The following PCNX1 variants were observed in gnomAD, a reference collection of about 807,000 sequenced individuals.
The protein encoded by PCNX1 is pecanex-like protein 1.
A neutral mutation model predicts 242.2 loss-of-function variants in PCNX1; 78 were observed. That is an observed-to-expected ratio of 0.32 (90% CI 0.27 to 0.39). The LOEUF is 0.39. Ranked by LOEUF, PCNX1 falls within the 10% of genes least tolerant of loss-of-function variation. The pLI is 1.00. For missense variants in PCNX1, 2,581 were observed against 2,856.5 expected (o/e 0.90, Z 2.20); for synonymous variants, 1,024 against 1,032.9 (o/e 0.99, Z 0.17).
At chr14:70,917,257 C>T (rs1362956120) in intron 1 of PCNX1, among the ~76,000 whole-genome samples, 2 of 152,174 alleles carry the variant, frequency 1.3e-5, no homozygotes, top group African/African-American at 4.8e-5. Context: ...TCCCATGAAT[C>T]ATGTATGTTC....
intron 27 of PCNX1, among the ~76,000 whole-genome samples, chr14:71,074,397 T>A (rs1457006062): frequency 6.6e-6 from 1 of 152,184 alleles, no homozygotes; most frequent in Non-Finnish European, 1.5e-5. Context: ...CCCACGGAAC[T>A]CAGCAAAGTT....
rs978753823 is a variant in PCNX1, at chr14:71,114,496, C to A, written c.*4561C>A. On this transcript the variant is annotated 3_prime_UTR_variant, in exon 36 of 36. Coordinates refer to ENST00000304743, the MANE Select transcript of PCNX1 (RefSeq NM_014982.3). ...TCAAGAATTATGTATAACAATTTAT[C>A]TTTATTGCCTACATACAACATACTT... 2 of 152,504 alleles carry A rather than the reference C, an allele frequency of 1.3e-5. No homozygotes were observed. The highest frequency in any genetic ancestry group is 2.9e-5 in the Non-Finnish European group (2 of 68,028). The allele number at this position is 152,504 out of a possible 1,614,324, so 9.4% of individuals were successfully genotyped here.
At chr14:71,096,818 A>G (rs920571984) in intron 30 of PCNX1, among the ~76,000 whole-genome samples, 1 of 152,198 alleles carries the variant, frequency 6.6e-6, no homozygotes, top group Non-Finnish European at 1.5e-5. Context: ...GAAATGTTGT[A>G]AAGAAGTGTT....
rs374347681 is a variant in PCNX1 at position 71,026,805 on chromosome 14, T to G, written c.3389T>G (p.Ile1130Ser). ...FTLCFPIVFFIGLLPQVNTFV... is the reference protein window; with the variant it reads ...FTLCFPIVFFSGLLPQVNTFV... ...CTCTGTTTCCCAATAGTGTTTTTCA[T>G]TGGTCTCCTGCCTCAGGTGAATACA... The change falls in exon 15 of 36, where the codon ATT becomes AGT. Residue 1130 changes from isoleucine (I) to serine (S), a missense_variant. Physicochemically the swap from Ile to Ser is moderately radical, Grantham distance 142. Around this residue, in one of 9 missense-constraint regions of PCNX1, gnomAD observed 432 missense variants for 443.1 expected, o/e 0.97. Coordinates refer to ENST00000304743, the MANE Select transcript of PCNX1 (RefSeq NM_014982.3). 2 of 1,562,400 alleles carry G rather than the reference T, an allele frequency of 1.3e-6. No homozygotes were observed.
chr14:71,089,057 G>A (rs1456476244), intron 29 of PCNX1, 135 bp from the exon 30 acceptor site: 1 of 624,776 alleles, frequency 1.6e-6, no homozygotes, highest in African/African-American at 1.9e-5. Context: ...TCTGGTTCAG[G>A]GTTCTGACAT....
At chr14:70,951,880 T>A (rs1262077772) in intron 2 of PCNX1, among the ~76,000 whole-genome samples, 1 of 152,224 alleles carries the variant, frequency 6.6e-6, no homozygotes, top group African/African-American at 2.4e-5. Context: ...TATTCACTTA[T>A]CTTTTATGTC....
rs78054326 is a variant in PCNX1 at position 70,925,914 on chromosome 14, T to G, written c.153+17911T>G. ...AGCCACCTTCCATCACCCTCCACCA[T>G]CATACAAGATGCTTCTTTCTGATTA... On this transcript the variant is annotated intron_variant, in intron 1 of 35. Transcript: ENST00000304743. Among the ~76,000 whole-genome samples the G allele has an allele frequency of 9.0e-3, 1,365 of 151,044 alleles. 10 individuals carry two copies. The highest frequency in any genetic ancestry group is 0.012 in the Non-Finnish European group (844 of 67,812).
Position 70,983,846 on chromosome 14 carries a change from TATGTTG to T in PCNX1, c.2312-4717_2312-4712del, listed in dbSNP as rs1255156854. ...TTTTTTCATTGGAACAAAATCTTTGTATGTTGATGGTAGCATCGTTCTTGGCTGACA... is the reference window on the plus strand; with the variant it reads ...TTTTTTCATTGGAACAAAATCTTTGTATGGTAGCATCGTTCTTGGCTGACA... On this transcript the variant is annotated intron_variant, in intron 6 of 35. Coordinates refer to ENST00000304743, the MANE Select transcript of PCNX1 (RefSeq NM_014982.3). Among the ~76,000 whole-genome samples the T allele has an allele frequency of 4.0e-5, 6 of 151,622 alleles. No individual in the cohort carries two copies. The East Asian group carries it at 1.2e-3, about 29-fold the overall frequency.
intron 26 of PCNX1, among the ~76,000 whole-genome samples, chr14:71,059,778 C>T (rs2061278177): frequency 1.3e-5 from 2 of 152,178 alleles, no homozygotes; most frequent in African/African-American, 2.4e-5. Context: ...ACATAGAATT[C>T]AAATGCCTGA....
intron 2 of PCNX1, among the ~76,000 whole-genome samples, chr14:70,961,530 T>G (rs1034340872): frequency 8.5e-5 from 13 of 152,210 alleles, no homozygotes; most frequent in African/African-American, 3.1e-4. Flanking sequence ...TATCTTTAAG[T>G]ACTGTGTTTG....
chr14:70,927,716 A>G lies in PCNX1; in HGVS notation c.154-19199A>G, dbSNP rs544285108. 3.3e-5 allele frequency among the ~76,000 whole-genome samples: 5 copies of G among 152,028 alleles called. No homozygotes were observed. In the East Asian group the frequency reaches 9.7e-4, roughly 29 times the overall value. On this transcript the variant is annotated intron_variant, in intron 1 of 35. Transcript: ENST00000304743. ...GCGATTCTCCTGCCTCAGGCTCCCT[A>G]GTAATTGAGATTACAGGCGTGCACC... is the stretch of plus-strand genomic sequence containing the variant.
intron 2 of PCNX1, among the ~76,000 whole-genome samples, chr14:70,948,771 ATG>A: frequency 1.3e-5 from 2 of 148,866 alleles, no homozygotes; most frequent in African/African-American, 4.9e-5. Context: ...ATACACATAT[ATG>A]TATAGTGTAT....
In PCNX1 at chr14:71,108,940, C is replaced by A. The variant is rs770415065; in HGVS notation, c.6638C>A (p.Ala2213Glu). ...CKHHTLVGFLATEGGQSSATD... is the reference protein window; with the variant it reads ...CKHHTLVGFLETEGGQSSATD... ...CATCACACTCTCGTGGGCTTTCTTG[C>A]GACAGAGGGAGGTCAGAGCAGTGCC... The change falls in exon 34 of 36, where the codon GCG becomes GAG. Residue 2213 changes from alanine (A) to glutamate (E), a missense_variant. By Grantham distance (107) the Ala-to-Glu change is moderately radical. Transcript: ENST00000304743. 1.9e-6 allele frequency: 3 copies of A among 1,614,202 alleles called. No individual in the cohort carries two copies. Among genetic ancestry groups the A allele is most frequent in the South Asian group, 2.2e-5 (2 of 91,084 alleles).
chr14:71,017,828 T>TA (rs1349085887), intron 11 of PCNX1, among the ~76,000 whole-genome samples: 1 of 152,216 alleles, frequency 6.6e-6, no homozygotes, highest in Non-Finnish European at 1.5e-5. Context: ...GGTTTGGAAA[T>TA]ACTATTGAAC....
At chr14:71,096,044 G>T (rs1303810487) in intron 30 of PCNX1, among the ~76,000 whole-genome samples, 1 of 152,186 alleles carries the variant, frequency 6.6e-6, no homozygotes, top group East Asian at 1.9e-4. Context: ...GATGGGCCGG[G>T]TGCAGTGGCT....
At chr14:70,949,406 CAT>C (rs1491224118) in intron 2 of PCNX1, among the ~76,000 whole-genome samples, 13 of 148,764 alleles carry the variant, frequency 8.7e-5, no homozygotes, top group East Asian at 6.0e-4. Flanking sequence ...TGTGTGTGTA[CAT>C]ATATATGTAC....
intron 4 of PCNX1, 75 bp downstream of exon 4, chr14:70,968,318 T>G (rs1376146478): frequency 7.6e-6 from 6 of 788,690 alleles, no homozygotes; most frequent in Non-Finnish European, 1.3e-5. Context: ...AACAGTACTG[T>G]ACATTCAAAT....
At chr14:71,041,603 AG>A (rs2060706925) in intron 19 of PCNX1, among the ~76,000 whole-genome samples, 1 of 151,996 alleles carries the variant, frequency 6.6e-6, no homozygotes, top group Admixed American at 6.6e-5. Flanking sequence ...TTCTAGCTAA[AG>A]GTATGTCAAT....
At chr14:71,018,402 T>C (rs2060012995) in intron 11 of PCNX1, among the ~76,000 whole-genome samples, 1 of 152,126 alleles carries the variant, frequency 6.6e-6, no homozygotes, top group South Asian at 2.1e-4. Flanking sequence ...ATTTAATAAA[T>C]ATAGAATTGT....
Sources: gnomAD v4.1 joint callset for allele counts (sites outside exome capture counted in the v4.1 genomes callset) on GRCh38, gnomAD v4.1.1 for gene constraint, gnomAD v4.1.1 regional missense constraint, MANE v1.5 for transcripts, NCBI Gene and HGNC (gene_info 2026-07-23, HGNC 2026-07-21) for gene names.